The following MRM1 variants were observed in gnomAD, a reference collection of about 807,000 sequenced individuals.
The protein encoded by MRM1 is mitochondrial rRNA methyltransferase 1.
MRM1 carries 24 observed loss-of-function variants against 25.0 expected under a neutral mutation model. The observed-to-expected ratio is 0.96, with a 90% confidence interval of 0.69 to 1.35. The LOEUF (loss-of-function observed/expected upper bound fraction) is 1.35. MRM1 is among the 40% of genes most tolerant of loss of function. MRM1 has a pLI of 0.00. For synonymous variants in MRM1, 188 were observed against 199.2 expected (o/e 0.94, Z 0.47); for missense variants, 431 against 464.1 (o/e 0.93, Z 0.65).
the MRM1 span, among the ~76,000 whole-genome samples, chr17:36,619,747 T>G: frequency 6.6e-6 from 1 of 152,184 alleles, no homozygotes; most frequent in Non-Finnish European, 1.5e-5. Context: ...TATAATTCTA[T>G]TTTTAATTTT....
chr17:36,632,030 T>C, the MRM1 span, among the ~76,000 whole-genome samples: 1 of 152,146 alleles, frequency 6.6e-6, no homozygotes, highest in African/African-American at 2.4e-5. Flanking sequence ...AATTTTTGTG[T>C]TTTTAGTAGA....
In MRM1 at chr17:36,602,330, G is replaced by GTCA. The variant is rs771708633; in HGVS notation, c.524_526dup (p.Ile175dup). The GTCA allele has an allele frequency of 6.4e-6, 10 of 1,567,638 alleles. No individual in the cohort carries two copies. In the South Asian group the frequency reaches 1.2e-4, roughly 18 times the overall value. ...CGCACACTTCCTCGGAGTGGATAAG[G>GTCA]TCATCACCAGCCGGAGAAACAGGCA... On this transcript the variant is annotated inframe_insertion, in exon 1 of 5. Transcript: ENST00000614766. This position sits in a 1 kb window ranked among gnomAD's most constrained non-coding sequence, Gnocchi z 4.1.
In MRM1 at chr17:36,601,633, G is replaced by T. The variant is rs1442208904; in HGVS notation, c.-178G>T. On this transcript the variant is annotated 5_prime_UTR_variant, in exon 1 of 5. Transcript: ENST00000614766. ...GGGAGCCTGGGAGCGGGTGGTCGTA[G>T]CTCGGTAGTCCAGTTGTGGGTAATC... 9.5e-6 allele frequency: 6 copies of T among 630,936 alleles called. No individual in the cohort carries two copies. The highest frequency in any genetic ancestry group is 1.5e-5 in the Non-Finnish European group (6 of 402,620). 39.1% of individuals were successfully genotyped at this position (630,936 alleles called of 1,614,324 possible). A position where few individuals can be genotyped will look rare whatever the true frequency, so the allele number is the denominator to read the frequency against.
chr17:36,634,246 G>C, the MRM1 span: 5 of 152,356 alleles, frequency 3.3e-5, no homozygotes, highest in African/African-American at 1.2e-4. Context: ...ATTCTGATCA[G>C]TTCTTTCTGG....
chr17:36,608,547 G>C lies in MRM1; in HGVS notation c.*132G>C, dbSNP rs575911517. On this transcript the variant is annotated 3_prime_UTR_variant, in exon 5 of 5. Coordinates refer to ENST00000614766, the MANE Select transcript of MRM1 (RefSeq NM_024864.5). ...GTTTATTGACCACAGTCTGGGGGGGGGGGAAGGGGACTGCGGTGGACACCA... is the reference window on the plus strand; with the variant it reads ...GTTTATTGACCACAGTCTGGGGGGGCGGGAAGGGGACTGCGGTGGACACCA... 4 of 514,538 alleles carry C rather than the reference G, an allele frequency of 7.8e-6. No individual in the cohort carries two copies. Among genetic ancestry groups the C allele is most frequent in the Non-Finnish European group, 1.3e-5 (4 of 314,634 alleles). 31.9% of individuals were successfully genotyped at this position (514,538 alleles called of 1,614,324 possible).
the MRM1 span, among the ~76,000 whole-genome samples, chr17:36,617,712 C>T: frequency 6.6e-6 from 1 of 152,042 alleles, no homozygotes; most frequent in Non-Finnish European, 1.5e-5. Flanking sequence ...TCCTATCTTG[C>T]CTCTTCCTTC....
chr17:36,617,393 CT>C, the MRM1 span, among the ~76,000 whole-genome samples: 1,551 of 137,550 alleles, frequency 0.011, 9 homozygotes, highest in African/African-American at 0.025. Context: ...TCCTTTCCGT[CT>C]TTTTTTTTTT....
chr17:36,633,560 C>T, the MRM1 span, among the ~76,000 whole-genome samples: 5 of 142,376 alleles, frequency 3.5e-5, no homozygotes, highest in African/African-American at 1.1e-4. Context: ...AGGAAGAAGA[C>T]GACAAAGAGG....
At chr17:36,624,823 C>T in the MRM1 span, among the ~76,000 whole-genome samples, 7 of 152,248 alleles carry the variant, frequency 4.6e-5, no homozygotes, top group South Asian at 2.1e-4. This position sits in a 1 kb window ranked among gnomAD's most constrained non-coding sequence, Gnocchi z 4.0. Context: ...GCGCAGGAAA[C>T]GGCTAGGAAC....
chr17:36,602,882 A>G lies in MRM1; in HGVS notation c.636+236A>G. On this transcript the variant is annotated intron_variant, in intron 2 of 4. Coordinates refer to ENST00000614766, the MANE Select transcript of MRM1 (RefSeq NM_024864.5). The surrounding 1 kb of genome is among the most constrained non-coding windows in gnomAD (Gnocchi z 4.1). ...TGCACCCCTTCCCCAGGTATGCACC[A>G]CTTTGCCTCTTCTGTAAGTCAGCCT... The G allele has an allele frequency of 1.0e-6, 1 of 954,380 alleles. No homozygotes were observed. The highest frequency in any genetic ancestry group is 5.4e-4 in the Middle Eastern group (1 of 1,858). 59.1% of individuals were successfully genotyped at this position (954,380 alleles called of 1,614,324 possible).
downstream of MRM1, among the ~76,000 whole-genome samples, chr17:36,611,859 G>C (rs2074978375): frequency 6.6e-6 from 1 of 152,158 alleles, no homozygotes; most frequent in Admixed American, 6.5e-5. Flanking sequence ...CAGCTCTCCT[G>C]GGCGTCCAGC....
the MRM1 span, among the ~76,000 whole-genome samples, chr17:36,629,111 G>A: frequency 6.6e-6 from 1 of 152,138 alleles, no homozygotes; most frequent in East Asian, 1.9e-4. Context: ...CCCAAATTAT[G>A]GCCGATTTAG....
At chr17:36,623,500 T>G in the MRM1 span, among the ~76,000 whole-genome samples, 1 of 152,066 alleles carries the variant, frequency 6.6e-6, no homozygotes, top group Non-Finnish European at 1.5e-5. Context: ...TGCTAATAAG[T>G]TATGTAGGGC....
Position 36,602,411 on chromosome 17 carries a change from G to T in MRM1, c.542+59G>T, listed in dbSNP as rs2074885303. On this transcript the variant is annotated intron_variant, in intron 1 of 4. Coordinates refer to ENST00000614766, the MANE Select transcript of MRM1 (RefSeq NM_024864.5). This position sits in a 1 kb window ranked among gnomAD's most constrained non-coding sequence, Gnocchi z 4.1. ...CTTGGAGACGCAGCCGAGTTCCTAA[G>T]CACCTTGGCCCTTGGGTGATCCCTT... 1 of 1,552,954 alleles carries T rather than the reference G, an allele frequency of 6.4e-7. No homozygotes were observed. Among genetic ancestry groups the T allele is most frequent in the Non-Finnish European group, 8.7e-7 (1 of 1,147,372 alleles).
In MRM1 at chr17:36,608,318, A is replaced by AC. The variant is rs1192865642; in HGVS notation, c.970dup (p.Gln324ProfsTer8). The AC allele has an allele frequency of 3.4e-5, 54 of 1,608,220 alleles. No homozygotes were observed. The highest frequency in any genetic ancestry group is 4.3e-5 in the Non-Finnish European group (51 of 1,177,322). On this transcript the variant is annotated frameshift_variant, in exon 5 of 5. Transcript: ENST00000614766. LOFTEE classifies it low-confidence loss of function (END_TRUNC). ...GGGGAGAGAAGGCAGCTTCTCCAAGACCCCCAAGAACCCTCAGCCAGGTCT... is the reference window on the plus strand; with the variant it reads ...GGGGAGAGAAGGCAGCTTCTCCAAGACCCCCCAAGAACCCTCAGCCAGGTCT...
chr17:36,623,455 C>A, the MRM1 span, among the ~76,000 whole-genome samples: 2 of 152,178 alleles, frequency 1.3e-5, no homozygotes, highest in Admixed American at 1.3e-4. Flanking sequence ...TAGGGGTGTG[C>A]TCGAGGTTTC....
At chr17:36,628,484 A>G in the MRM1 span, among the ~76,000 whole-genome samples, 10 of 152,196 alleles carry the variant, frequency 6.6e-5, no homozygotes, top group Non-Finnish European at 1.2e-4. Flanking sequence ...CGAGTCATGG[A>G]TCAGGTGGGT....
At chr17:36,629,019 C>T in the MRM1 span, among the ~76,000 whole-genome samples, 2 of 152,140 alleles carry the variant, frequency 1.3e-5, no homozygotes, top group Non-Finnish European at 2.9e-5. Flanking sequence ...TTCATGCACA[C>T]GGTGGGGCCT....
the MRM1 span, among the ~76,000 whole-genome samples, chr17:36,625,333 TCCTTCG>T: frequency 4.6e-5 from 7 of 151,998 alleles, no homozygotes; most frequent in Middle Eastern, 3.4e-3. Context: ...CTTCTCCTTC[TCCTTCG>T]CCTTCTTCTT....
Sources: allele counts gnomAD v4.1 joint callset (sites outside exome capture counted in the v4.1 genomes callset), GRCh38; gene constraint gnomAD v4.1.1; non-coding constraint Gnocchi (gnomAD v3.1); transcripts MANE v1.5; gene names NCBI Gene and HGNC (gene_info 2026-07-23, HGNC 2026-07-21).